TRPM3: variants seen among roughly 807,000 people sequenced by gnomAD.
TRPM3 encodes long transient receptor potential channel 3.
TRPM3 carries 77 observed loss-of-function variants against 181.2 expected under a neutral mutation model. The observed-to-expected ratio is 0.42, with a 90% CI of 0.35 to 0.51. TRPM3 has a LOEUF of 0.51. TRPM3 is among the 20% of genes least tolerant of loss of function. The pLI, the probability that TRPM3 is intolerant of heterozygous loss-of-function variation, is 0.01. For synonymous variants in TRPM3, 745 were observed against 796.4 expected, an observed-to-expected ratio of 0.94 and a Z score of 1.09; for missense variants, 1,759 against 2,196.7, an observed-to-expected ratio of 0.80 and a Z score of 3.98.
At chr9:70,952,456 C>T (rs572632515) in intron 1 of TRPM3, among the ~76,000 whole-genome samples, 3 of 152,254 alleles carry the variant, frequency 2.0e-5, no homozygotes, top group African/African-American at 2.4e-5. Flanking sequence ...TGCACAATTA[C>T]GTAGCTCATT....
At position 70,793,195 on chromosome 9, in the gene TRPM3, C is replaced by T. The variant is rs145383327; in HGVS notation, c.974-8916G>A. 2.2e-3 allele frequency among the ~76,000 whole-genome samples: 335 copies of T among 152,176 alleles called. 3 individuals carry two copies. The highest frequency in any genetic ancestry group is 7.6e-3 in the African/African-American group (316 of 41,530). ...TATGGTTGGGCACAATGGCTTATGC[C>T]GTAATCCCAGCTCTTTGGGAGACCG... On this transcript the variant is annotated intron_variant, in intron 6 of 25. Coordinates refer to ENST00000677713, the MANE Select transcript of TRPM3 (RefSeq NM_001366145.2).
intron 6 of TRPM3, among the ~76,000 whole-genome samples, chr9:70,812,693 G>A (rs2092240601): frequency 6.6e-6 from 1 of 152,154 alleles, no homozygotes; most frequent in African/African-American, 2.4e-5. Flanking sequence ...ACTTGTTAAT[G>A]GAACCAAGCA....
intron 1 of TRPM3, among the ~76,000 whole-genome samples, chr9:71,021,882 A>C (rs1006363270): frequency 2.0e-5 from 3 of 152,198 alleles, no homozygotes; most frequent in Non-Finnish European, 2.9e-5. Flanking sequence ...TAAATGCATA[A>C]TATTCAAAGT....
intron 1 of TRPM3, among the ~76,000 whole-genome samples, chr9:71,062,929 C>A (rs916328811): frequency 5.9e-5 from 9 of 152,168 alleles, no homozygotes; most frequent in East Asian, 1.9e-4. Flanking sequence ...AAATACATTT[C>A]TTTTCTTTAT....
intron 16 of TRPM3, among the ~76,000 whole-genome samples, chr9:70,619,406 C>CTTTTTTTT (rs1170887633): frequency 6.1e-5 from 5 of 81,442 alleles, no homozygotes; most frequent in East Asian, 3.8e-4. Context: ...TCGTCGTCTT[C>CTTTTTTTT]TTTTTTTTTT....
At chr9:71,088,275 T>C (rs145106271) in intron 1 of TRPM3, among the ~76,000 whole-genome samples, 2 of 152,236 alleles carry the variant, frequency 1.3e-5, no homozygotes, top group Non-Finnish European at 2.9e-5. Flanking sequence ...GATTTTGGGA[T>C]GGAAGCTGCT....
intron 25 of TRPM3, among the ~76,000 whole-genome samples, chr9:70,543,956 G>T (rs1191487059): frequency 6.6e-6 from 1 of 152,174 alleles, no homozygotes; most frequent in Admixed American, 6.5e-5. Context: ...CTGTGGCAGT[G>T]GAGAGCATGC....
At chr9:70,864,617 C>T in intron 1 of TRPM3, 106 bp from the exon 2 acceptor site, 1 of 613,768 alleles carries the variant, frequency 1.6e-6, no homozygotes, top group Non-Finnish European at 2.5e-6. Flanking sequence ...ACATAAGAGA[C>T]TAGTATATCA....
intron 1 of TRPM3, among the ~76,000 whole-genome samples, chr9:71,150,213 T>C (rs1257292869): frequency 1.3e-5 from 2 of 151,938 alleles, no homozygotes; most frequent in African/African-American, 2.4e-5. Context: ...TATACACACA[T>C]GCACATATAC....
chr9:71,233,820 C>T (rs1451929518), intron 1 of TRPM3, among the ~76,000 whole-genome samples: 3 of 152,208 alleles, frequency 2.0e-5, no homozygotes, highest in Non-Finnish European at 4.4e-5. Context: ...AGATTTCTCT[C>T]TGCAGTGAAG....
chr9:70,778,106 A>G (rs145072201), intron 7 of TRPM3, among the ~76,000 whole-genome samples: 1 of 152,208 alleles, frequency 6.6e-6, no homozygotes, highest in Non-Finnish European at 1.5e-5. Context: ...TGAGTTATAT[A>G]AGGGAGGGTC....
intron 1 of TRPM3, among the ~76,000 whole-genome samples, chr9:71,095,776 A>AAG (rs1351276953): frequency 6.6e-6 from 1 of 150,436 alleles, no homozygotes; most frequent in Non-Finnish European, 1.5e-5. Flanking sequence ...AAAAAAAAAA[A>AAG]AAGAAAGAAA....
At chr9:70,644,490 T>G (rs2133653699) in intron 9 of TRPM3, among the ~76,000 whole-genome samples, 1 of 152,284 alleles carries the variant, frequency 6.6e-6, no homozygotes, top group Non-Finnish European at 1.5e-5. Context: ...AGAAAAGGCC[T>G]TCAATAAAAT....
chr9:71,070,827 G>A (rs2062664779), intron 1 of TRPM3, among the ~76,000 whole-genome samples: 1 of 152,178 alleles, frequency 6.6e-6, no homozygotes. Context: ...CTATCCTAGA[G>A]TGGGGCTGGA....
At chr9:71,181,133 A>G (rs1256731732) in intron 1 of TRPM3, among the ~76,000 whole-genome samples, 1 of 152,116 alleles carries the variant, frequency 6.6e-6, no homozygotes, top group African/African-American at 2.4e-5. Context: ...CCTACTTTAT[A>G]AAGCAAGGAA....
chr9:71,107,581 C>A (rs1565211188), intron 1 of TRPM3, among the ~76,000 whole-genome samples: 1 of 152,134 alleles, frequency 6.6e-6, no homozygotes, highest in Non-Finnish European at 1.5e-5. Context: ...TGACACTTAG[C>A]AATAGATGAT....
chr9:70,744,840 TA>T (rs1290203858), intron 8 of TRPM3, among the ~76,000 whole-genome samples: 3 of 152,144 alleles, frequency 2.0e-5, no homozygotes, highest in Admixed American at 6.6e-5. Context: ...TGATCATACT[TA>T]ATAATTAGAA....
At chr9:70,786,989 C>G (rs2083801899) in intron 6 of TRPM3, among the ~76,000 whole-genome samples, 1 of 152,110 alleles carries the variant, frequency 6.6e-6, no homozygotes. Flanking sequence ...TTCCAGTGAT[C>G]TGGCATCTAC....
intron 6 of TRPM3, among the ~76,000 whole-genome samples, chr9:70,805,583 AG>A (rs1230180194): frequency 6.6e-6 from 1 of 150,748 alleles, no homozygotes; most frequent in African/African-American, 2.4e-5. Flanking sequence ...ACCACAAACC[AG>A]GTGGAAAGGG....
Sources: allele counts gnomAD v4.1 joint callset (sites outside exome capture counted in the v4.1 genomes callset), GRCh38; gene constraint gnomAD v4.1.1; transcripts MANE v1.5; gene names NCBI Gene and HGNC (gene_info 2026-07-23, HGNC 2026-07-21).